RGS6: variants seen among roughly 807,000 people sequenced by gnomAD.
RGS6 encodes the protein regulator of G-protein signaling 6.
RGS6 carries 30 observed loss-of-function variants against 78.5 expected under a neutral mutation model. That is an observed-to-expected ratio of 0.38 (90% CI 0.29 to 0.52). The LOEUF (loss-of-function observed/expected upper bound fraction) is 0.52. RGS6 is among the 20% of genes least tolerant of loss of function. The pLI is 0.85. For missense variants in RGS6, 495 were observed against 609.7 expected (o/e 0.81, Z 1.98); for synonymous variants, 206 against 206.0 (o/e 1.00, Z 0.00).
At chr14:72,456,925 A>T (rs4396471) in intron 4 of RGS6, among the ~76,000 whole-genome samples, 12,248 of 149,674 alleles carry the variant, frequency 0.082, 971 homozygotes, top group African/African-American at 0.2. Context: ...CAAAAAAAAT[A>T]AAAAAAAAAT....
the RGS6 span, among the ~76,000 whole-genome samples, chr14:72,599,221 G>T: frequency 1.3e-5 from 2 of 152,094 alleles, no homozygotes; most frequent in African/African-American, 4.8e-5. Context: ...GTGCTGCTCT[G>T]GTGGGAACAG....
At chr14:72,507,084 G>A (rs2096816399) in intron 13 of RGS6, among the ~76,000 whole-genome samples, 1 of 150,968 alleles carries the variant, frequency 6.6e-6, no homozygotes, top group African/African-American at 2.4e-5. Flanking sequence ...CAGGAGAATG[G>A]CGTGAACCCA....
chr14:72,425,633 CCAAT>C, intron 3 of RGS6, among the ~76,000 whole-genome samples: 1 of 152,102 alleles, frequency 6.6e-6, no homozygotes, highest in Non-Finnish European at 1.5e-5. Context: ...TCATTTTTTC[CCAAT>C]CAGATTGGCA....
chr14:72,007,788 T>C (rs1201750374), intron 2 of RGS6, among the ~76,000 whole-genome samples: 1 of 152,072 alleles, frequency 6.6e-6, no homozygotes, highest in Non-Finnish European at 1.5e-5. Flanking sequence ...TCAAAGAGAT[T>C]TGTGGGTGTG....
At chr14:72,160,215 A>G (rs1598589861) in intron 2 of RGS6, among the ~76,000 whole-genome samples, 2 of 152,244 alleles carry the variant, frequency 1.3e-5, no homozygotes, top group South Asian at 4.1e-4. Flanking sequence ...CTTAAAACAC[A>G]TTGAATTCAG....
At chr14:72,175,257 T>C (rs987734224) in intron 2 of RGS6, among the ~76,000 whole-genome samples, 3 of 152,296 alleles carry the variant, frequency 2.0e-5, no homozygotes, top group Admixed American at 2.0e-4. Context: ...GGAACTCTTA[T>C]GTTCTGGTTA....
At chr14:71,868,120 C>G in the RGS6 span, among the ~76,000 whole-genome samples, 1 of 152,158 alleles carries the variant, frequency 6.6e-6, no homozygotes, top group African/African-American at 2.4e-5. Context: ...CTCCTCCCAC[C>G]CCAACATCAG....
intron 1 of RGS6, among the ~76,000 whole-genome samples, chr14:71,937,863 T>C (rs539467727): frequency 6.6e-6 from 1 of 152,320 alleles, no homozygotes; most frequent in African/African-American, 2.4e-5. Flanking sequence ...TGCCACCAGG[T>C]AGCTGGCTGA....
intron 13 of RGS6, among the ~76,000 whole-genome samples, chr14:72,496,370 A>G (rs1164305859): frequency 6.6e-6 from 1 of 152,248 alleles, no homozygotes. Context: ...GTTCAGTTTC[A>G]ACATTAGAGC....
intron 3 of RGS6, among the ~76,000 whole-genome samples, chr14:72,366,739 T>TGA (rs1357709607): frequency 2.0e-5 from 3 of 152,160 alleles, no homozygotes; most frequent in African/African-American, 7.2e-5. Context: ...GCCAAGATGG[T>TGA]GAGTCTTCGG....
chr14:72,289,050 C>T (rs943221460), intron 2 of RGS6, among the ~76,000 whole-genome samples: 1 of 152,174 alleles, frequency 6.6e-6, no homozygotes, highest in Non-Finnish European at 1.5e-5. Flanking sequence ...AATGCATATA[C>T]AACATGTCTA....
At chr14:72,038,007 G>A (rs2153366798) in intron 2 of RGS6, among the ~76,000 whole-genome samples, 1 of 129,194 alleles carries the variant, frequency 7.7e-6, no homozygotes, top group South Asian at 2.3e-4. Flanking sequence ...GGCTCGCTCT[G>A]TTGCCCAGGC....
intron 2 of RGS6, among the ~76,000 whole-genome samples, chr14:72,271,024 C>T (rs566095290): frequency 6.6e-6 from 1 of 152,246 alleles, no homozygotes; most frequent in African/African-American, 2.4e-5. Context: ...TCTTGAAACC[C>T]ATGCCTTTTG....
Position 72,297,758 on chromosome 14 carries a change from A to T in RGS6, c.85-54337A>T, listed in dbSNP as rs188807089. Among the ~76,000 whole-genome samples, 866 of 151,732 alleles carry T rather than the reference A, an allele frequency of 5.7e-3. 9 individuals carry two copies. Among genetic ancestry groups the T allele is most frequent in the African/African-American group, 0.019 (790 of 41,446 alleles). ...GAAATTGGAAATCATCATTCTCGGT[A>T]TATATTATTTATTTAGATCTTCTTT... On this transcript the variant is annotated intron_variant, in intron 2 of 17. Transcript: ENST00000553525.
intron 3 of RGS6, among the ~76,000 whole-genome samples, chr14:72,363,494 C>G (rs1299063638): frequency 6.6e-6 from 1 of 152,194 alleles, no homozygotes; most frequent in Non-Finnish European, 1.5e-5. Flanking sequence ...GGTCACACCA[C>G]TAGTAAATAG....
chr14:71,957,334 T>C (rs2092864280), intron 1 of RGS6, among the ~76,000 whole-genome samples: 1 of 151,752 alleles, frequency 6.6e-6, no homozygotes, highest in Admixed American at 6.6e-5. Flanking sequence ...GAGCAGGGAT[T>C]TGTGTTGGAG....
rs780090233 is a variant in RGS6 at position 72,541,165 on chromosome 14, T to C, written c.1422+1071T>C. 277 of 1,376,190 alleles carry C rather than the reference T, an allele frequency of 2.0e-4. No individual in the cohort carries two copies. The Admixed American group carries it at 4.5e-3, about 22-fold the overall frequency. The allele number at this position is 1,376,190 out of a possible 1,614,324, so 85.2% of individuals were successfully genotyped here. On this transcript the variant is annotated intron_variant, in intron 17 of 17. Transcript: ENST00000553525. ...TCCCTTCCCAAAGGGTGGCAGCCCA[T>C]TGATATTGACTTGCCTTTGTTCCAC...
chr14:72,164,338 T>TA (rs1295944033), intron 2 of RGS6, among the ~76,000 whole-genome samples: 2 of 152,198 alleles, frequency 1.3e-5, no homozygotes, highest in African/African-American at 4.8e-5. Flanking sequence ...TTGTTTCACT[T>TA]ACCCTGTGAA....
chr14:72,194,157 A>G (rs1389751087), intron 2 of RGS6, among the ~76,000 whole-genome samples: 1 of 152,066 alleles, frequency 6.6e-6, no homozygotes, highest in Non-Finnish European at 1.5e-5. Context: ...TCAGATCGTC[A>G]TGTATTTTGA....
Sources: allele counts gnomAD v4.1 joint callset (sites outside exome capture counted in the v4.1 genomes callset), GRCh38; gene constraint gnomAD v4.1.1; transcripts MANE v1.5; gene names NCBI Gene and HGNC (gene_info 2026-07-23, HGNC 2026-07-21).